The following EPC2 variants were observed in gnomAD, a reference collection of about 807,000 sequenced individuals.
EPC2 encodes the protein enhancer of polycomb 2, also known as enhancer of polycomb homolog 2.
Under a neutral mutation model 92.1 loss-of-function variants are expected in EPC2, and 14 were observed. That is an observed-to-expected ratio of 0.15 (90% confidence interval 0.10 to 0.24). The LOEUF (loss-of-function observed/expected upper bound fraction) is 0.24. EPC2 is among the 10% of genes least tolerant of loss of function. The probability of loss-of-function intolerance (pLI) is 1.00; values close to 1 mark genes in which losing one functional copy is unlikely to be tolerated. For missense variants in EPC2, 755 were observed against 971.5 expected (o/e 0.78, Z 2.96); for synonymous variants, 340 against 334.7 (o/e 1.02, Z -0.17).
chr2:148,786,212 A>T, intron 13 of EPC2, 93 bp from the exon 14 acceptor site: 1 of 1,054,354 alleles, frequency 9.5e-7, no homozygotes, highest in African/African-American at 1.6e-5. Context: ...TTTAGTTGTA[A>T]TTATGTAACA....
intron 2 of EPC2, among the ~76,000 whole-genome samples, chr2:148,727,559 C>T (rs1308873572): frequency 6.6e-6 from 1 of 152,126 alleles, no homozygotes; most frequent in African/African-American, 2.4e-5. Context: ...ATTAGATGTT[C>T]TTAGTGGAAT....
At chr2:148,756,300 A>G (rs1322293055) in intron 4 of EPC2, among the ~76,000 whole-genome samples, 1 of 152,192 alleles carries the variant, frequency 6.6e-6, no homozygotes, top group Non-Finnish European at 1.5e-5. Context: ...TTGTGGGACC[A>G]AAGACGATTC....
chr2:148,766,046 A>G (rs1262937855), intron 7 of EPC2, among the ~76,000 whole-genome samples: 1 of 152,198 alleles, frequency 6.6e-6, no homozygotes, highest in Non-Finnish European at 1.5e-5. Context: ...AAAAACAAAC[A>G]AGCAAACAAA....
chr2:148,759,786 C>T (rs1683265912), intron 4 of EPC2, among the ~76,000 whole-genome samples: 1 of 152,086 alleles, frequency 6.6e-6, no homozygotes, highest in Non-Finnish European at 1.5e-5. Context: ...TTTAGAGAAT[C>T]TGGATGAAGA....
At chr2:148,674,589 A>C (rs1681226551) in intron 1 of EPC2, among the ~76,000 whole-genome samples, 1 of 152,148 alleles carries the variant, frequency 6.6e-6, no homozygotes, top group African/African-American at 2.4e-5. Context: ...CAGGTATCCA[A>C]AGTATACCAG....
intron 2 of EPC2, among the ~76,000 whole-genome samples, chr2:148,741,830 T>G (rs1402889122): frequency 6.6e-6 from 1 of 152,204 alleles, no homozygotes; most frequent in Non-Finnish European, 1.5e-5. Flanking sequence ...GAAAATTGCT[T>G]CACCATCTGT....
Position 148,645,375 on chromosome 2 carries a change from T to G in EPC2, c.153+205T>G, listed in dbSNP as rs902375679. On this transcript the variant is annotated intron_variant, in intron 1 of 13. Transcript: ENST00000258484. Reference sequence around the variant, plus strand: ...CGGCCGCCATGTTGTTGCGTCCCAGTGTTGTGATTAGCTCGCAGCGCTGCT... The same window carrying G: ...CGGCCGCCATGTTGTTGCGTCCCAGGGTTGTGATTAGCTCGCAGCGCTGCT... The G allele has an allele frequency of 1.5e-5, 8 of 516,710 alleles. No individual in the cohort carries two copies. The East Asian group carries it at 2.9e-4, about 19-fold the overall frequency. The allele number at this position is 516,710 out of a possible 1,614,324, so 32.0% of individuals were successfully genotyped here.
At chr2:148,715,683 T>C (rs1682245970) in intron 2 of EPC2, among the ~76,000 whole-genome samples, 1 of 152,200 alleles carries the variant, frequency 6.6e-6, no homozygotes, top group Non-Finnish European at 1.5e-5. Flanking sequence ...TTCTTTTTGC[T>C]TAGGATTGTC....
chr2:148,785,017 T>A lies in EPC2; in HGVS notation c.2351+16T>A. ...GCATAGCAAGGTGTGTGTGTGTGTTTCAGTGATTTTTCTCCCTTTGTGCTG... is the reference window on the plus strand; with the variant it reads ...GCATAGCAAGGTGTGTGTGTGTGTTACAGTGATTTTTCTCCCTTTGTGCTG... On this transcript the variant is annotated intron_variant, in intron 13 of 13. Transcript: ENST00000258484. 6.8e-7 allele frequency: 1 copy of A among 1,470,046 alleles called. No individual in the cohort carries two copies. Among genetic ancestry groups the A allele is most frequent in the South Asian group, 1.5e-5 (1 of 67,662 alleles). 91.1% of individuals were successfully genotyped at this position (1,470,046 alleles called of 1,614,324 possible).
At position 148,733,479 on chromosome 2, in the gene EPC2, A is replaced by ATTTTTTTTTTTTTTTTTTTTTTTTTTTTT. The variant is rs34219179; in HGVS notation, c.314-10135_314-10107dup. On this transcript the variant is annotated intron_variant, in intron 2 of 13. Transcript: ENST00000258484. ...CTTTCTCTTTTCTTTCTCTCTCTGGATTTTTTTTTTTTTTTTTTTTTTTTT... is the reference window on the plus strand; with the variant it reads ...CTTTCTCTTTTCTTTCTCTCTCTGGATTTTTTTTTTTTTTTTTTTTTTTTTTTTTTTTTTTTTTTTTTTTTTTTTTTTTT... 1.5e-4 allele frequency among the ~76,000 whole-genome samples: 4 copies of ATTTTTTTTTTTTTTTTTTTTTTTTTTTTT among 26,648 alleles called. 1 individual carries two copies. The highest frequency in any genetic ancestry group is 5.2e-4 in the African/African-American group (4 of 7,692). 17.5% of individuals were successfully genotyped at this position (26,648 alleles called of 152,430 possible). A position where few individuals can be genotyped will look rare whatever the true frequency, so the allele number is the denominator to read the frequency against.
intron 10 of EPC2, 61 bp from the exon 11 acceptor site, chr2:148,781,583 G>C (rs1683749541): frequency 4.1e-6 from 6 of 1,472,578 alleles, no homozygotes. Context: ...ATCATATTCT[G>C]CTTGTGTTAT....
intron 2 of EPC2, among the ~76,000 whole-genome samples, chr2:148,720,227 C>A (rs2105390203): frequency 6.6e-6 from 1 of 152,376 alleles, no homozygotes; most frequent in Non-Finnish European, 1.5e-5. Context: ...TCTGGCAAAG[C>A]TGCTGAGTTG....
At chr2:148,773,281 G>A (rs1414489845) in intron 10 of EPC2, among the ~76,000 whole-genome samples, 1 of 152,050 alleles carries the variant, frequency 6.6e-6, no homozygotes, top group African/African-American at 2.4e-5. Flanking sequence ...AGGCGTGCAT[G>A]TACTTCTCAG....
chr2:148,747,921 C>T (rs1029874601), intron 3 of EPC2, among the ~76,000 whole-genome samples: 2 of 152,050 alleles, frequency 1.3e-5, no homozygotes, highest in Admixed American at 6.6e-5. Context: ...CATCTCCAGA[C>T]CTCCTTTGCC....
In EPC2 at chr2:148,646,024, C is replaced by T. The variant is rs548640472; in HGVS notation, c.153+854C>T. 2.0e-5 allele frequency among the ~76,000 whole-genome samples: 3 copies of T among 152,304 alleles called. No homozygotes were observed. The South Asian group carries it at 6.2e-4, about 32-fold the overall frequency. On this transcript the variant is annotated intron_variant, in intron 1 of 13. Coordinates refer to ENST00000258484, the MANE Select transcript of EPC2 (RefSeq NM_015630.4). ...TTTTGGGAAAATTGCTGCTTTTCCT[C>T]CGATGGGTTAAATTTTGCAGACGGT...
At chr2:148,662,812 T>TATA (rs35923056) in intron 1 of EPC2, among the ~76,000 whole-genome samples, 101,061 of 151,100 alleles carry the variant, frequency 0.67, 35,298 homozygotes, top group Non-Finnish European at 0.79. Flanking sequence ...AAACTTAAAA[T>TATA]ATAATAATAA....
At chr2:148,786,136 G>A (rs114221973) in intron 13 of EPC2, among the ~76,000 whole-genome samples, 169 bp from the exon 14 acceptor site, 3,833 of 152,258 alleles carry the variant, frequency 0.025, 56 homozygotes, top group East Asian at 0.032. Context: ...TTTCTGAGCT[G>A]AAGAAAAGTT....
rs192045153 is a variant in EPC2 at position 148,750,551 on chromosome 2, C to A, written c.460-3376C>A. On this transcript the variant is annotated intron_variant, in intron 3 of 13. Coordinates refer to ENST00000258484, the MANE Select transcript of EPC2 (RefSeq NM_015630.4). ...CTTAATTTAATTTATGCAGAATACT[C>A]AAAATGTGCAACCATGTATATTTTG... Among the ~76,000 whole-genome samples, 8 of 152,174 alleles carry A rather than the reference C, an allele frequency of 5.3e-5. No homozygotes were observed. The East Asian group carries it at 1.4e-3, about 26-fold the overall frequency.
At chr2:148,763,259 A>G (rs977873938) in intron 6 of EPC2, among the ~76,000 whole-genome samples, 2 of 152,124 alleles carry the variant, frequency 1.3e-5, no homozygotes, top group Non-Finnish European at 1.5e-5. Flanking sequence ...GCATTTATCA[A>G]TTGTTATCTA....
Sources: allele counts gnomAD v4.1 joint callset (sites outside exome capture counted in the v4.1 genomes callset), GRCh38; gene constraint gnomAD v4.1.1; transcripts MANE v1.5; gene names NCBI Gene and HGNC (gene_info 2026-07-23, HGNC 2026-07-21).